WDR48: variants seen among roughly 807,000 people sequenced by gnomAD.
WDR48 encodes the protein WD repeat-containing protein 48.
Under a neutral mutation model 94.0 loss-of-function variants are expected in WDR48, and 22 were observed. The ratio of observed to expected loss-of-function variants is 0.23; its 90% CI spans 0.17 to 0.33. The LOEUF (loss-of-function observed/expected upper bound fraction) is 0.33. Ranked by LOEUF, WDR48 falls within the 10% of genes least tolerant of loss-of-function variation. WDR48 has a pLI of 1.00. For missense variants in WDR48, 541 were observed against 813.8 expected (o/e 0.66, Z 4.08); for synonymous variants, 278 against 280.5 (o/e 0.99, Z 0.09).
At chr3:39,066,104 C>T (rs2033588532) in intron 3 of WDR48, among the ~76,000 whole-genome samples, 1 of 152,150 alleles carries the variant, frequency 6.6e-6, no homozygotes, top group Non-Finnish European at 1.5e-5. Flanking sequence ...CCTCTTGCCC[C>T]AAGGTAACTG....
At chr3:39,059,086 A>G (rs2125635922) in intron 1 of WDR48, among the ~76,000 whole-genome samples, 1 of 152,098 alleles carries the variant, frequency 6.6e-6, no homozygotes, top group African/African-American at 2.4e-5. Context: ...AAAAAAAAAA[A>G]AAAAAAAAAA....
chr3:39,052,225 G>A (rs919854719), intron 1 of WDR48, 152 bp downstream of exon 1: 2 of 882,268 alleles, frequency 2.3e-6, no homozygotes, highest in Non-Finnish European at 3.4e-6. Context: ...GGGCCGCGGC[G>A]CTAACGGCTT....
At chr3:39,063,586 A>G (rs2033409927) in intron 2 of WDR48, among the ~76,000 whole-genome samples, 1 of 152,206 alleles carries the variant, frequency 6.6e-6, no homozygotes, top group African/African-American at 2.4e-5. Flanking sequence ...TTGAAAAAAT[A>G]TTTTATTTTC....
At chr3:39,075,688 T>A (rs1003069788) in intron 8 of WDR48, among the ~76,000 whole-genome samples, 9 of 152,044 alleles carry the variant, frequency 5.9e-5, no homozygotes, top group African/African-American at 1.9e-4. Flanking sequence ...AGTGAAGAAG[T>A]TTCCAAAATT....
At chr3:39,075,818 G>A (rs868714191) in intron 8 of WDR48, among the ~76,000 whole-genome samples, 5 of 151,690 alleles carry the variant, frequency 3.3e-5, no homozygotes, top group African/African-American at 7.3e-5. Context: ...CTCAGCCTCT[G>A]GAGTAGCTGG....
At chr3:39,090,989 A>G (rs2035047629) in intron 16 of WDR48, 1 of 152,248 alleles carries the variant, frequency 6.6e-6, no homozygotes, top group African/African-American at 2.4e-5. Context: ...GAGAGGAGAC[A>G]TCCAGACAGG....
chr3:39,057,248 A>C (rs2032947701), intron 1 of WDR48, among the ~76,000 whole-genome samples: 1 of 152,242 alleles, frequency 6.6e-6, no homozygotes, highest in Admixed American at 6.5e-5. Context: ...ACTACATCCT[A>C]ATCTACAGTA....
At position 39,074,806 on chromosome 3, in the gene WDR48, T is replaced by C. The variant is rs368832991; in HGVS notation, c.753T>C (p.His251=). The change falls in exon 8 of 19, where the codon CAT becomes CAC. Residue 251 remains histidine (H), a synonymous_variant. Transcript: ENST00000302313. ...GATGTATAGCAACATACCGAGTCCA[T>C]GATGAAGGTGTTTGGGCGCTGCAAG... is the stretch of plus-strand genomic sequence containing the variant. ...QQRCIATYRV[H]DEGVWALQVN... The C allele has an allele frequency of 1.2e-6, 2 of 1,614,062 alleles. No homozygotes were observed. Among genetic ancestry groups the C allele is most frequent in the African/African-American group, 2.7e-5 (2 of 74,918 alleles).
intron 1 of WDR48, among the ~76,000 whole-genome samples, chr3:39,058,010 T>C (rs2033008330): frequency 6.6e-6 from 1 of 152,266 alleles, no homozygotes; most frequent in Admixed American, 6.5e-5. Context: ...ATAATGACTA[T>C]TGTACATTGT....
chr3:39,058,834 T>C (rs1376356773), intron 1 of WDR48, among the ~76,000 whole-genome samples: 1 of 152,136 alleles, frequency 6.6e-6, no homozygotes, highest in African/African-American at 2.4e-5. Flanking sequence ...CCCAGCATTT[T>C]GGGAGGCCAA....
chr3:39,095,277 T>G lies in WDR48; in HGVS notation c.*534T>G, dbSNP rs1363464093. On this transcript the variant is annotated 3_prime_UTR_variant, in exon 19 of 19. Coordinates refer to ENST00000302313, the MANE Select transcript of WDR48 (RefSeq NM_020839.4). The stretch of plus-strand genomic sequence containing the variant: ...AATGGGAATTTGCTGTTGCACAATT[T>G]GAGAACCAGCCCATTTCATAATAAA... 1 of 153,858 alleles carries G rather than the reference T, an allele frequency of 6.5e-6. No homozygotes were observed. The highest frequency in any genetic ancestry group is 1.4e-5 in the Non-Finnish European group (1 of 69,076). The allele number at this position is 153,858 out of a possible 1,614,324, so 9.5% of individuals were successfully genotyped here.
intron 1 of WDR48, among the ~76,000 whole-genome samples, chr3:39,055,124 A>G (rs1188844399): frequency 6.6e-6 from 1 of 152,202 alleles, no homozygotes; most frequent in Non-Finnish European, 1.5e-5. Flanking sequence ...AGACCACGAG[A>G]CAGTAGCCCT....
chr3:39,094,252 G>A, intron 18 of WDR48, 186 bp downstream of exon 18: 1 of 1,440,812 alleles, frequency 6.9e-7, no homozygotes, highest in Non-Finnish European at 9.1e-7. Context: ...GGGATACATA[G>A]ACAAATGTGG....
At position 39,069,533 on chromosome 3, in the gene WDR48, T is replaced by C. The variant is rs1055477565; in HGVS notation, c.571-110T>C. ...AGACAGTGTCCATTGGCAGAAGTGG[T>C]ATTGCCTTCTCAGAATATAATGGTT... On this transcript the variant is annotated intron_variant, in intron 6 of 18. Transcript: ENST00000302313. 4 of 917,998 alleles carry C rather than the reference T, an allele frequency of 4.4e-6. No homozygotes were observed. The African/African-American group carries it at 6.9e-5, about 16-fold the overall frequency. 56.9% of individuals were successfully genotyped at this position (917,998 alleles called of 1,614,324 possible).
intron 7 of WDR48, 65 bp downstream of exon 7, chr3:39,069,809 A>G (rs752995613): frequency 7.6e-6 from 10 of 1,318,278 alleles, no homozygotes; most frequent in Admixed American, 6.5e-5. Flanking sequence ...TTTGTATACT[A>G]TTGCATAGGT....
rs147190117 is a variant in WDR48, at chr3:39,065,282, G to A, written c.190-529G>A. Among the ~76,000 whole-genome samples the A allele has an allele frequency of 3.6e-3, 544 of 152,276 alleles. 8 individuals are homozygous for A. Among genetic ancestry groups the A allele is most frequent in the African/African-American group, 0.013 (521 of 41,548 alleles). Reference sequence around the variant, plus strand: ...ATCTCTGAAGGCCTGTAGGTACCATGAGGAAAACATTTAATTCAGAGGGTG... The same window carrying A: ...ATCTCTGAAGGCCTGTAGGTACCATAAGGAAAACATTTAATTCAGAGGGTG... On this transcript the variant is annotated intron_variant, in intron 2 of 18. Coordinates refer to ENST00000302313, the MANE Select transcript of WDR48 (RefSeq NM_020839.4).
rs1203230630 is a variant in WDR48 at position 39,074,761 on chromosome 3, T to G, written c.708T>G (p.Leu236=). 3.7e-6 allele frequency: 6 copies of G among 1,614,120 alleles called. No homozygotes were observed. Among genetic ancestry groups the G allele is most frequent in the Non-Finnish European group, 8.5e-7 (1 of 1,180,048 alleles). ...GCAGTTCTGATGGGACAATTCGCCTTTGGTCCCTTGGCCAGCAGAGATGTA... is the reference window on the plus strand; with the variant it reads ...GCAGTTCTGATGGGACAATTCGCCTGTGGTCCCTTGGCCAGCAGAGATGTA... The part of the protein sequence containing the change: ...LSGSSDGTIR[L]WSLGQQRCIA... The change falls in exon 8 of 19, where the codon CTT becomes CTG. Residue 236 remains leucine, a synonymous_variant. Coordinates refer to ENST00000302313, the MANE Select transcript of WDR48 (RefSeq NM_020839.4).
intron 1 of WDR48, among the ~76,000 whole-genome samples, chr3:39,053,200 AG>A (rs2032593164): frequency 6.6e-6 from 1 of 152,224 alleles, no homozygotes; most frequent in African/African-American, 2.4e-5. Context: ...AGGGATTGAA[AG>A]GGTGTAGAAA....
At position 39,066,859 on chromosome 3, in the gene WDR48, A is replaced by G; in HGVS notation, c.465A>G (p.Ser155=). Reference sequence around the variant, plus strand: ...ATACTCTAACAGCATTGACTGCCTCAAATAACACTGTCACAAGTAAGGTGT... The same window carrying G: ...ATACTCTAACAGCATTGACTGCCTCGAATAACACTGTCACAAGTAAGGTGT... ...DVNTLTALTA[S]NNTVTTSSLS... Residue 155 remains serine, a synonymous_variant, in exon 5 of 19, where the codon TCA becomes TCG. Coordinates refer to ENST00000302313, the MANE Select transcript of WDR48 (RefSeq NM_020839.4). 2 of 1,613,628 alleles carry G rather than the reference A, an allele frequency of 1.2e-6. No homozygotes were observed. Among genetic ancestry groups the G allele is most frequent in the Non-Finnish European group, 1.7e-6 (2 of 1,179,812 alleles).
Sources: allele counts gnomAD v4.1 joint callset (sites outside exome capture counted in the v4.1 genomes callset), GRCh38; gene constraint gnomAD v4.1.1; transcripts MANE v1.5; gene names NCBI Gene and HGNC (gene_info 2026-07-23, HGNC 2026-07-21).